ATP8B4: variants seen among roughly 807,000 people sequenced by gnomAD.
ATP8B4 encodes probable phospholipid-transporting ATPase IM.
In ATP8B4, 133 loss-of-function variants were observed where a neutral mutation model predicts 145.6. That is an observed-to-expected ratio of 0.91 (90% CI 0.79 to 1.05). The LOEUF (loss-of-function observed/expected upper bound fraction) is 1.05. Ranked by LOEUF, ATP8B4 falls within the 50% of genes least tolerant of loss-of-function variation. ATP8B4 has a pLI of 0.00. For synonymous variants in ATP8B4, 507 were observed against 492.9 expected, an observed-to-expected ratio of 1.03 and a Z score of -0.38; for missense variants, 1,458 against 1,425.2, an observed-to-expected ratio of 1.02 and a Z score of -0.37.
intron 1 of ATP8B4, among the ~76,000 whole-genome samples, chr15:50,180,277 G>A (rs1394011464): frequency 6.6e-6 from 1 of 152,174 alleles, no homozygotes; most frequent in African/African-American, 2.4e-5. Flanking sequence ...GCTGTTGGCA[G>A]CCATCTTTGG....
rs193288173 is a variant in ATP8B4 at position 50,105,349 on chromosome 15, G to A, written c.28+1590C>T. ...AGAGACAGACAGTAAGGAAGCACAT[G>A]TGGCAAAATAGTAATAATTGTATAA... On this transcript the variant is annotated intron_variant, in intron 2 of 27. Coordinates refer to ENST00000284509, the MANE Select transcript of ATP8B4 (RefSeq NM_024837.4). 2.8e-3 allele frequency among the ~76,000 whole-genome samples: 431 copies of A among 151,860 alleles called. 1 individual carries two copies. Among genetic ancestry groups the A allele is most frequent in the African/African-American group, 9.8e-3 (407 of 41,374 alleles).
intron 20 of ATP8B4, among the ~76,000 whole-genome samples, chr15:49,914,768 T>C (rs2039567940): frequency 6.6e-6 from 1 of 152,122 alleles, no homozygotes; most frequent in Admixed American, 6.5e-5. Flanking sequence ...CAATGAGATG[T>C]GATTTTATTT....
At chr15:50,048,737 G>C (rs1412791388) in intron 3 of ATP8B4, among the ~76,000 whole-genome samples, 1 of 151,938 alleles carries the variant, frequency 6.6e-6, no homozygotes, top group Non-Finnish European at 1.5e-5. Context: ...ATGGGCAAAG[G>C]GGACATTACC....
chr15:50,169,252 A>C (rs1409689148), intron 1 of ATP8B4, among the ~76,000 whole-genome samples: 1 of 152,076 alleles, frequency 6.6e-6, no homozygotes, highest in Non-Finnish European at 1.5e-5. Flanking sequence ...TAAACCACCA[A>C]AGCTAAGGAC....
At chr15:50,040,531 C>T (rs1359280178) in intron 5 of ATP8B4, among the ~76,000 whole-genome samples, 3 of 152,212 alleles carry the variant, frequency 2.0e-5, no homozygotes, top group Non-Finnish European at 4.4e-5. Context: ...TGGCACATAA[C>T]ATCACAAAAG....
intron 2 of ATP8B4, among the ~76,000 whole-genome samples, chr15:50,076,156 T>C (rs1243959848): frequency 6.6e-6 from 1 of 152,132 alleles, no homozygotes; most frequent in African/African-American, 2.4e-5. Context: ...GTACCTAATT[T>C]TACCCACTCC....
At chr15:49,968,401 T>C (rs1416377356) in intron 13 of ATP8B4, among the ~76,000 whole-genome samples, 3 of 141,110 alleles carry the variant, frequency 2.1e-5, no homozygotes, top group Admixed American at 7.3e-5. Context: ...AAGACACACA[T>C]AGGCTCAAAA....
intron 3 of ATP8B4, among the ~76,000 whole-genome samples, chr15:50,072,962 C>A (rs1600199353): frequency 2.1e-4 from 7 of 34,022 alleles, no homozygotes; most frequent in Admixed American, 4.3e-4. Flanking sequence ...CTCTCTCTCT[C>A]TCTCTCTCTC....
At position 50,159,237 on chromosome 15, in the gene ATP8B4, G is replaced by A. The variant is rs183078509; in HGVS notation, c.-43+23024C>T. On this transcript the variant is annotated intron_variant, in intron 1 of 3. Transcript: ENST00000558829. The stretch of plus-strand genomic sequence containing the variant: ...TTTTACTTCTTTGGTTAATTCTTAG[G>A]TATTTTATTTTATTTGTAGCAATGT... Among the ~76,000 whole-genome samples the A allele has an allele frequency of 2.9e-3, 438 of 151,934 alleles. 1 individual carries two copies. Among genetic ancestry groups the A allele is most frequent in the African/African-American group, 1.0e-2 (414 of 41,408 alleles).
At chr15:49,996,621 T>C in intron 9 of ATP8B4, 56 bp downstream of exon 9, 4 of 1,337,602 alleles carry the variant, frequency 3.0e-6, no homozygotes, top group South Asian at 1.3e-5. Flanking sequence ...CATTACTTTG[T>C]TGCATTGCTT....
chr15:49,901,414 G>C (rs1211951126), intron 20 of ATP8B4, among the ~76,000 whole-genome samples, 175 bp from the exon 21 acceptor site: 1 of 152,140 alleles, frequency 6.6e-6, no homozygotes, highest in South Asian at 2.1e-4. Flanking sequence ...GAATATCTTA[G>C]CAAATTTCCA....
chr15:50,082,597 T>G (rs2054624519), intron 2 of ATP8B4, among the ~76,000 whole-genome samples: 1 of 152,242 alleles, frequency 6.6e-6, no homozygotes, highest in Non-Finnish European at 1.5e-5. Context: ...TTTTACCAAT[T>G]CATTATTCAT....
At chr15:49,929,083 T>C (rs1567012731) in intron 16 of ATP8B4, among the ~76,000 whole-genome samples, 1 of 152,096 alleles carries the variant, frequency 6.6e-6, no homozygotes, top group Non-Finnish European at 1.5e-5. Flanking sequence ...GCCCTCCTGG[T>C]GACGCTGATG....
At chr15:50,157,393 T>C (rs774401681) in intron 1 of ATP8B4, among the ~76,000 whole-genome samples, 1 of 152,224 alleles carries the variant, frequency 6.6e-6, no homozygotes, top group Non-Finnish European at 1.5e-5. Context: ...AATGAAGTAT[T>C]GTACACCAGA....
At chr15:50,113,516 A>ATGTGT (rs2057048348) in intron 1 of ATP8B4, among the ~76,000 whole-genome samples, 2 of 148,146 alleles carry the variant, frequency 1.4e-5, no homozygotes, top group Admixed American at 1.4e-4. Context: ...GTATGTGTGT[A>ATGTGT]TGTGTGTACG....
At chr15:50,104,878 C>CACACAG (rs2056587069) in intron 2 of ATP8B4, among the ~76,000 whole-genome samples, 10 of 150,992 alleles carry the variant, frequency 6.6e-5, no homozygotes, top group Admixed American at 1.3e-4. Flanking sequence ...CACACACACA[C>CACACAG]ACACACACAC....
chr15:50,166,582 A>T (rs963658443), intron 1 of ATP8B4, among the ~76,000 whole-genome samples: 1 of 152,186 alleles, frequency 6.6e-6, no homozygotes, highest in Non-Finnish European at 1.5e-5. Flanking sequence ...ACCTCCAGGA[A>T]TGCACACAGC....
At chr15:49,967,189 G>A (rs1305466767) in intron 13 of ATP8B4, among the ~76,000 whole-genome samples, 1 of 152,156 alleles carries the variant, frequency 6.6e-6, no homozygotes, top group Non-Finnish European at 1.5e-5. Flanking sequence ...AGCTGAAAAT[G>A]CCAAAAACCA....
chr15:49,922,061 T>C (rs939408242), intron 17 of ATP8B4, among the ~76,000 whole-genome samples: 6 of 152,242 alleles, frequency 3.9e-5, no homozygotes, highest in Admixed American at 3.3e-4. Context: ...ATTTAATTAG[T>C]ACATGAAACA....
Sources: allele counts gnomAD v4.1 joint callset (sites outside exome capture counted in the v4.1 genomes callset), GRCh38; gene constraint gnomAD v4.1.1; transcripts MANE v1.5; gene names NCBI Gene and HGNC (gene_info 2026-07-23, HGNC 2026-07-21).